The following PODXL variants were observed in gnomAD, a reference collection of about 807,000 sequenced individuals.
PODXL encodes podocalyxin like.
PODXL carries 20 observed loss-of-function variants against 48.9 expected under a neutral mutation model. The ratio of observed to expected loss-of-function variants is 0.41; its 90% confidence interval spans 0.29 to 0.59. The LOEUF (loss-of-function observed/expected upper bound fraction) is 0.59. Ranked by LOEUF, PODXL falls within the 20% of genes least tolerant of loss-of-function variation. The pLI, the probability that PODXL is intolerant of heterozygous loss-of-function variation, is 0.31. For synonymous variants in PODXL, 295 were observed against 287.4 expected, an observed-to-expected ratio of 1.03 and a Z score of -0.27; for missense variants, 606 against 675.1, an observed-to-expected ratio of 0.90 and a Z score of 1.13.
intron 1 of PODXL, among the ~76,000 whole-genome samples, chr7:131,518,134 C>G (rs981933118): frequency 6.6e-6 from 1 of 152,110 alleles, no homozygotes; most frequent in Non-Finnish European, 1.5e-5. Context: ...TCTGCAAAGA[C>G]CCTATTTCTA....
chr7:131,556,171 G>T, intron 1 of PODXL, 89 bp downstream of exon 1: 1 of 1,344,394 alleles, frequency 7.4e-7, no homozygotes, highest in Non-Finnish European at 9.5e-7. Context: ...GTCGGACCAC[G>T]CGGCGCGCCG....
At chr7:131,543,414 C>A (rs1016648760) in intron 1 of PODXL, among the ~76,000 whole-genome samples, 17 of 152,166 alleles carry the variant, frequency 1.1e-4, no homozygotes, top group African/African-American at 4.1e-4. Flanking sequence ...GTGTGAACCA[C>A]AGTGCCAGGC....
intron 1 of PODXL, among the ~76,000 whole-genome samples, chr7:131,553,686 C>A (rs1314737053): frequency 1.3e-5 from 2 of 152,230 alleles, no homozygotes; most frequent in Non-Finnish European, 2.9e-5. Context: ...TTCCACCCCA[C>A]CAAGCTGCCT....
At chr7:131,550,975 C>G (rs1483871284) in intron 1 of PODXL, among the ~76,000 whole-genome samples, 1 of 152,176 alleles carries the variant, frequency 6.6e-6, no homozygotes, top group East Asian at 1.9e-4. Context: ...CTATGATTTT[C>G]TGGCTCATTT....
intron 1 of PODXL, among the ~76,000 whole-genome samples, chr7:131,516,410 A>C (rs1201349273): frequency 6.6e-6 from 1 of 152,178 alleles, no homozygotes; most frequent in African/African-American, 2.4e-5. Context: ...GTGTTGGCGC[A>C]TGCCTGTAAT....
intron 5 of PODXL, chr7:131,507,007 G>T: frequency 5.1e-6 from 2 of 391,742 alleles, no homozygotes; most frequent in Non-Finnish European, 9.3e-6. Context: ...TTTCACCCTA[G>T]TGCCTCTTTT....
chr7:131,520,959 G>A (rs535201235), intron 1 of PODXL, among the ~76,000 whole-genome samples: 1 of 152,206 alleles, frequency 6.6e-6, no homozygotes, highest in Non-Finnish European at 1.5e-5. Flanking sequence ...CTTGAGGTCA[G>A]GAGTTCGAGA....
At chr7:131,520,239 TG>T in intron 1 of PODXL, 1 of 441,146 alleles carries the variant, frequency 2.3e-6, no homozygotes, top group Non-Finnish European at 4.4e-6. Context: ...CTTCCTGGAG[TG>T]GGCTTCAAGC....
intron 1 of PODXL, among the ~76,000 whole-genome samples, chr7:131,517,213 T>C (rs1204849698): frequency 6.6e-6 from 1 of 152,282 alleles, no homozygotes; most frequent in East Asian, 1.9e-4. Context: ...TTCCTTAGTG[T>C]AGAGAAAATA....
At chr7:131,533,841 T>C (rs941358092) in intron 1 of PODXL, among the ~76,000 whole-genome samples, 3 of 152,186 alleles carry the variant, frequency 2.0e-5, no homozygotes, top group Non-Finnish European at 2.9e-5. Flanking sequence ...ACACACAAGC[T>C]GTATAACCAG....
chr7:131,528,643 T>C (rs1050915487), intron 1 of PODXL, among the ~76,000 whole-genome samples: 8 of 152,216 alleles, frequency 5.3e-5, no homozygotes, highest in Admixed American at 1.3e-4. Context: ...TGGTGCCAAA[T>C]TGAGGCATGG....
At chr7:131,544,849 C>T (rs1449485691) in intron 1 of PODXL, among the ~76,000 whole-genome samples, 1 of 152,196 alleles carries the variant, frequency 6.6e-6, no homozygotes, top group Non-Finnish European at 1.5e-5. Context: ...ACCACCAACT[C>T]CCAGGAACAA....
Position 131,512,507 on chromosome 7 carries a change from C to T in PODXL, c.101-1074G>A, listed in dbSNP as rs147403728. ...AGAATGGGAGGAGAAGTGTCCCCAG[C>T]AGAAGGAACAGAATCTGCAAAGCCC... On this transcript the variant is annotated intron_variant, in intron 1 of 8. Coordinates refer to ENST00000378555, the MANE Select transcript of PODXL (RefSeq NM_001018111.3). Among the ~76,000 whole-genome samples, 540 of 152,174 alleles carry T rather than the reference C, an allele frequency of 3.5e-3. 1 individual carries two copies. Among genetic ancestry groups the T allele is most frequent in the African/African-American group, 0.011 (464 of 41,488 alleles).
At chr7:131,531,709 G>A (rs540116004) in intron 1 of PODXL, among the ~76,000 whole-genome samples, 2 of 152,286 alleles carry the variant, frequency 1.3e-5, no homozygotes, top group South Asian at 2.1e-4. Context: ...TGCCTCTTAT[G>A]AGGACACTTG....
In PODXL at chr7:131,550,107, C is replaced by T. The variant is rs191295360; in HGVS notation, c.100+6153G>A. On this transcript the variant is annotated intron_variant, in intron 1 of 8. Coordinates refer to ENST00000378555, the MANE Select transcript of PODXL (RefSeq NM_001018111.3). ...TTTGTGCAGCCAATTATCCCGCAAA[C>T]ATTTCTTAACCACCTATTTGGCTAG... Among the ~76,000 whole-genome samples the T allele has an allele frequency of 2.4e-3, 361 of 152,366 alleles. 2 individuals carry two copies. Among genetic ancestry groups the T allele is most frequent in the African/African-American group, 8.0e-3 (331 of 41,588 alleles).
chr7:131,555,040 G>A (rs373606730), intron 1 of PODXL, among the ~76,000 whole-genome samples: 2 of 152,192 alleles, frequency 1.3e-5, no homozygotes, highest in South Asian at 4.1e-4. Flanking sequence ...GGCCACAGGA[G>A]GATGCCCACG....
intron 1 of PODXL, among the ~76,000 whole-genome samples, chr7:131,512,517 A>G (rs1797930641): frequency 6.6e-6 from 1 of 152,192 alleles, no homozygotes; most frequent in Non-Finnish European, 1.5e-5. Flanking sequence ...CAGAAGGAAC[A>G]GAATCTGCAA....
At chr7:131,527,633 A>G (rs1306779734) in intron 1 of PODXL, among the ~76,000 whole-genome samples, 1 of 152,220 alleles carries the variant, frequency 6.6e-6, no homozygotes, top group Admixed American at 6.5e-5. Context: ...GAGTGAATGA[A>G]TGGTAGGAAA....
chr7:131,509,499 G>A lies in PODXL; in HGVS notation c.889C>T (p.Gln297Ter), dbSNP rs1390381392. 1.2e-6 allele frequency: 2 copies of A among 1,612,988 alleles called. No homozygotes were observed. The highest frequency in any genetic ancestry group is 2.2e-5 in the East Asian group (1 of 44,866). Residue 297 changes from glutamine to a stop codon, truncating the protein, a stop_gained, in exon 4 of 9, where the codon CAG becomes TAG. Transcript: ENST00000378555. LOFTEE classifies it high-confidence loss of function. ...AATGCCGTTGCCGGGCTCGTGGGCT[G>A]CACTGTCTCCTGGGAGGAAGGGGCC... is the stretch of plus-strand genomic sequence containing the variant. ...STAPSSQETVQPTSPATALRT... is the reference protein window; with the variant it reads ...STAPSSQETV
Sources: allele counts gnomAD v4.1 joint callset (sites outside exome capture counted in the v4.1 genomes callset), GRCh38; gene constraint gnomAD v4.1.1; transcripts MANE v1.5; gene names NCBI Gene and HGNC (gene_info 2026-07-23, HGNC 2026-07-21).